Variants in RAD51B observed in about 807,000 individuals in gnomAD.
The protein encoded by RAD51B is DNA repair protein RAD51 homolog 2.
Under a neutral mutation model 42.2 loss-of-function variants are expected in RAD51B, and 38 were observed. That is an observed-to-expected ratio of 0.90 (90% CI 0.70 to 1.18). The LOEUF (loss-of-function observed/expected upper bound fraction) is 1.18, where lower values mean the gene tolerates loss of function less well. Ranked by LOEUF, RAD51B falls within the 50% of genes most tolerant of loss-of-function variation. The pLI is 0.00. For missense variants in RAD51B, 373 were observed against 400.7 expected, an observed-to-expected ratio of 0.93 and a Z score of 0.59; for synonymous variants, 154 against 145.2, an observed-to-expected ratio of 1.06 and a Z score of -0.43.
In RAD51B at chr14:68,591,506, G is replaced by A. The variant is rs547792301; in HGVS notation, c.1037-2979G>A. Among the ~76,000 whole-genome samples the A allele has an allele frequency of 4.5e-4, 68 of 152,332 alleles. 1 individual carries two copies. Among genetic ancestry groups the A allele is most frequent in the Middle Eastern group, 6.8e-3 (2 of 294 alleles). On this transcript the variant is annotated intron_variant, in intron 10 of 10. Coordinates refer to the RAD51B transcript ENST00000487270. ...GCTTCTCAAGAAACAACCATATGAT[G>A]CTATGATAATCGATATCCTTCCAAT...
At chr14:68,005,719 T>C (rs971068731) in intron 7 of RAD51B, among the ~76,000 whole-genome samples, 1 of 152,204 alleles carries the variant, frequency 6.6e-6, no homozygotes, top group Non-Finnish European at 1.5e-5. Flanking sequence ...ATTGGTTATT[T>C]GTATAATTTT....
At chr14:67,897,260 T>C (rs1259917658) in intron 7 of RAD51B, among the ~76,000 whole-genome samples, 1 of 152,012 alleles carries the variant, frequency 6.6e-6, no homozygotes, top group African/African-American at 2.4e-5. Context: ...TATGCCAAAC[T>C]TAAAAGCTTC....
intron 7 of RAD51B, among the ~76,000 whole-genome samples, chr14:68,243,848 C>T (rs965876935): frequency 1.3e-5 from 2 of 152,204 alleles, no homozygotes; most frequent in African/African-American, 4.8e-5. Flanking sequence ...ATTATGGGTG[C>T]ATCCCAATCT....
At chr14:67,854,440 C>G (rs186013826) in intron 4 of RAD51B, among the ~76,000 whole-genome samples, 260 of 151,792 alleles carry the variant, frequency 1.7e-3, no homozygotes, top group African/African-American at 6.1e-3. Context: ...TTGAGACCAG[C>G]CTGCCCAACA....
At chr14:68,122,892 C>T (rs1266569822) in intron 7 of RAD51B, among the ~76,000 whole-genome samples, 1 of 152,024 alleles carries the variant, frequency 6.6e-6, no homozygotes, top group Non-Finnish European at 1.5e-5. Context: ...GAACAAAATC[C>T]AAGATGCATT....
At chr14:67,862,126 A>G (rs1263687796) in intron 4 of RAD51B, among the ~76,000 whole-genome samples, 1 of 152,080 alleles carries the variant, frequency 6.6e-6, no homozygotes, top group Non-Finnish European at 1.5e-5. Flanking sequence ...AGAAGAGTAG[A>G]TTTTAAATGT....
chr14:67,940,046 ATATATATATTTTTTTTTTTTTTTT>A (rs1331279369), intron 7 of RAD51B, among the ~76,000 whole-genome samples: 5 of 14,662 alleles, frequency 3.4e-4, no homozygotes, highest in Admixed American at 2.2e-3. Flanking sequence ...ATATATATAT[ATATATATATTTTTTTTTTTTTTTT>A]TTTTTTTTTT....
At chr14:68,527,387 G>A (rs1193778251) in intron 10 of RAD51B, among the ~76,000 whole-genome samples, 2 of 152,226 alleles carry the variant, frequency 1.3e-5, no homozygotes, top group African/African-American at 2.4e-5. Flanking sequence ...GGGGAGGAGC[G>A]AGCTCCTTCT....
At chr14:68,290,800 A>T (rs78161125) in intron 7 of RAD51B, among the ~76,000 whole-genome samples, 2 of 20,344 alleles carry the variant, frequency 9.8e-5, no homozygotes, top group South Asian at 4.9e-3. Flanking sequence ...ATTTATTTTT[A>T]TTTATTTATT....
At chr14:68,140,331 G>A (rs938598151) in intron 7 of RAD51B, among the ~76,000 whole-genome samples, 24 of 152,138 alleles carry the variant, frequency 1.6e-4, no homozygotes, top group African/African-American at 5.8e-4. Context: ...TGCAGGTGTA[G>A]GGCAGCTTGG....
At chr14:68,486,113 A>C (rs1883603221) in intron 10 of RAD51B, among the ~76,000 whole-genome samples, 1 of 152,234 alleles carries the variant, frequency 6.6e-6, no homozygotes, top group African/African-American at 2.4e-5. Context: ...TGAGTCTAGG[A>C]GTGAAGGAGA....
At chr14:68,669,688 C>T (rs1566968455) in intron 11 of RAD51B, among the ~76,000 whole-genome samples, 1 of 152,006 alleles carries the variant, frequency 6.6e-6, no homozygotes, top group Non-Finnish European at 1.5e-5. Flanking sequence ...ATTCCCATCA[C>T]AATCACATTT....
At chr14:68,332,586 T>G (rs117604811) in intron 8 of RAD51B, among the ~76,000 whole-genome samples, 1 of 152,348 alleles carries the variant, frequency 6.6e-6, no homozygotes, top group Admixed American at 6.5e-5. Context: ...CTAAATTCTC[T>G]TGGGGAAGGA....
intron 7 of RAD51B, among the ~76,000 whole-genome samples, chr14:68,167,573 A>G (rs1409561343): frequency 6.6e-6 from 1 of 152,092 alleles, no homozygotes; most frequent in Non-Finnish European, 1.5e-5. Flanking sequence ...GTAAAATTCT[A>G]TGACCATATT....
At chr14:68,262,400 C>T (rs73290234) in intron 7 of RAD51B, among the ~76,000 whole-genome samples, 6,322 of 152,264 alleles carry the variant, frequency 0.042, 453 homozygotes, top group African/African-American at 0.14. Context: ...TTCTCACCCA[C>T]CCTACCACTC....
chr14:68,648,504 G>A (rs567203793), intron 10 of RAD51B, among the ~76,000 whole-genome samples: 1 of 151,714 alleles, frequency 6.6e-6, no homozygotes, highest in Admixed American at 6.6e-5. Flanking sequence ...TAAAAGCTAA[G>A]TATTAGTGGG....
intron 6 of RAD51B, 25 bp from the exon 7 acceptor site, chr14:67,886,996 T>G (rs374887191): frequency 9.5e-6 from 13 of 1,371,462 alleles, no homozygotes; most frequent in African/African-American, 1.5e-5. Flanking sequence ...ATTTATTGAC[T>G]ATTTTATAAA....
intron 7 of RAD51B, among the ~76,000 whole-genome samples, chr14:68,250,125 C>T (rs2080590511): frequency 6.6e-6 from 1 of 152,198 alleles, no homozygotes; most frequent in South Asian, 2.1e-4. Context: ...TTTAGTCTGG[C>T]TTGGCTCCCA....
intron 9 of RAD51B, among the ~76,000 whole-genome samples, chr14:68,456,645 A>G (rs2085693905): frequency 6.6e-6 from 1 of 152,192 alleles, no homozygotes; most frequent in South Asian, 2.1e-4. Flanking sequence ...TGGAGGCTTC[A>G]ATACCCCACT....
Sources: allele counts gnomAD v4.1 joint callset (sites outside exome capture counted in the v4.1 genomes callset), GRCh38; gene constraint gnomAD v4.1.1; transcripts MANE v1.5; gene names NCBI Gene and HGNC (gene_info 2026-07-23, HGNC 2026-07-21).